The following LINGO2 variants were observed in gnomAD, a reference collection of about 807,000 sequenced individuals.
The protein encoded by LINGO2 is leucine-rich repeat and immunoglobulin-like domain-containing nogo receptor-interacting protein 2.
LINGO2 carries 14 observed loss-of-function variants against 30.6 expected under a neutral mutation model. The ratio of observed to expected loss-of-function variants is 0.46; its 90% CI spans 0.30 to 0.72. The LOEUF (loss-of-function observed/expected upper bound fraction) is 0.72. Ranked by LOEUF, LINGO2 falls within the 30% of genes least tolerant of loss-of-function variation. LINGO2 has a pLI of 0.07. For missense variants in LINGO2, 729 were observed against 751.7 expected, an observed-to-expected ratio of 0.97 and a Z score of 0.35; for synonymous variants, 317 against 288.5, an observed-to-expected ratio of 1.10 and a Z score of -1.00.
chr9:29,155,566 T>G, the LINGO2 span, among the ~76,000 whole-genome samples: 1 of 151,494 alleles, frequency 6.6e-6, no homozygotes, highest in East Asian at 1.9e-4. Flanking sequence ...CTTTTTTTTT[T>G]TTTTACAATA....
At chr9:28,349,238 T>A (rs1819741188) in intron 3 of LINGO2, among the ~76,000 whole-genome samples, 2 of 150,742 alleles carry the variant, frequency 1.3e-5, no homozygotes, top group South Asian at 4.2e-4. Flanking sequence ...GGCAAAGAAG[T>A]TGAAAACTTT....
the LINGO2 span, among the ~76,000 whole-genome samples, chr9:28,787,546 A>T: frequency 6.6e-6 from 1 of 152,162 alleles, no homozygotes; most frequent in Non-Finnish European, 1.5e-5. Context: ...TATGTCAAAA[A>T]ATCTAGAACA....
intron 1 of LINGO2, among the ~76,000 whole-genome samples, chr9:28,476,342 G>C (rs1312564802): frequency 6.6e-6 from 1 of 152,148 alleles, no homozygotes; most frequent in Admixed American, 6.5e-5. Flanking sequence ...GTGACACAAT[G>C]TCTGCTCACT....
the LINGO2 span, among the ~76,000 whole-genome samples, chr9:28,771,456 T>G: frequency 0.015 from 915 of 59,830 alleles, 4 homozygotes; most frequent in Admixed American, 0.019. Context: ...CTATTTGGTG[T>G]GTGTGTGTGT....
chr9:29,019,921 G>C, the LINGO2 span, among the ~76,000 whole-genome samples: 6,259 of 152,186 alleles, frequency 0.041, 197 homozygotes, highest in Admixed American at 0.082. Context: ...TCAGTGGGGA[G>C]ATTTTCAGTG....
At chr9:28,179,523 A>AT (rs924636022) in intron 4 of LINGO2, among the ~76,000 whole-genome samples, 2 of 77,768 alleles carry the variant, frequency 2.6e-5, no homozygotes, top group African/African-American at 9.9e-5. Context: ...TAGTTTATAT[A>AT]TATAAACTAT....
At chr9:28,513,069 C>T (rs184993740) in intron 1 of LINGO2, among the ~76,000 whole-genome samples, 1 of 148,668 alleles carries the variant, frequency 6.7e-6, no homozygotes, top group African/African-American at 2.5e-5. Flanking sequence ...AGTTGATGCT[C>T]AGTATTAACC....
At chr9:28,477,523 C>G (rs1405008167) in intron 1 of LINGO2, among the ~76,000 whole-genome samples, 1 of 152,134 alleles carries the variant, frequency 6.6e-6, no homozygotes, top group African/African-American at 2.4e-5. Context: ...CTTAAGTCTT[C>G]CCCCATTTTC....
At chr9:28,743,108 CT>C in the LINGO2 span, among the ~76,000 whole-genome samples, 3 of 152,074 alleles carry the variant, frequency 2.0e-5, no homozygotes, top group African/African-American at 7.2e-5. Flanking sequence ...GGCAAGTCTG[CT>C]AGCAATGGAT....
At chr9:29,031,208 G>A in the LINGO2 span, among the ~76,000 whole-genome samples, 1 of 151,956 alleles carries the variant, frequency 6.6e-6, no homozygotes, top group Non-Finnish European at 1.5e-5. Flanking sequence ...TTTCATGTTT[G>A]GTTCATATCA....
chr9:28,186,786 C>A (rs1819557094), intron 4 of LINGO2, among the ~76,000 whole-genome samples: 2 of 152,190 alleles, frequency 1.3e-5, no homozygotes, highest in Admixed American at 1.3e-4. Context: ...GCAGGCCTAG[C>A]ATATTTGACA....
At chr9:28,012,661 T>C (rs1264940898) in intron 4 of LINGO2, among the ~76,000 whole-genome samples, 2 of 152,086 alleles carry the variant, frequency 1.3e-5, no homozygotes, top group East Asian at 3.9e-4. Context: ...CAAGACACTT[T>C]ACTCCACAAG....
In LINGO2 at chr9:28,276,977, C is replaced by G. The variant is rs78165284; in HGVS notation, c.-87+18231G>C. On this transcript the variant is annotated intron_variant, in intron 4 of 5. Transcript: ENST00000379992. ...GGGGCAAATTCAAGCTGCTCATCCC[C>G]TCTAATGTTCAAGGCTTAGTTATTG... is the stretch of plus-strand genomic sequence containing the variant. 2.9e-3 allele frequency among the ~76,000 whole-genome samples: 440 copies of G among 152,260 alleles called. 3 individuals are homozygous for G. Among genetic ancestry groups the G allele is most frequent in the African/African-American group, 0.01 (427 of 41,550 alleles).
At chr9:28,253,797 T>C (rs1200642515) in intron 4 of LINGO2, among the ~76,000 whole-genome samples, 2 of 152,052 alleles carry the variant, frequency 1.3e-5, no homozygotes, top group African/African-American at 2.4e-5. Context: ...TCTAGCCTCA[T>C]AATGAGACAG....
At chr9:28,537,851 A>C (rs1262852942) in intron 1 of LINGO2, among the ~76,000 whole-genome samples, 3 of 151,328 alleles carry the variant, frequency 2.0e-5, no homozygotes, top group Non-Finnish European at 4.4e-5. Context: ...AAAAAGTGTC[A>C]GTATCAAAAG....
intron 1 of LINGO2, among the ~76,000 whole-genome samples, chr9:28,627,538 A>G (rs1826737134): frequency 6.6e-6 from 1 of 152,040 alleles, no homozygotes; most frequent in Admixed American, 6.6e-5. Flanking sequence ...CCAGACAGAA[A>G]GCCAAGATCA....
intron 4 of LINGO2, among the ~76,000 whole-genome samples, chr9:28,058,415 G>C (rs909914144): frequency 1.3e-5 from 2 of 152,094 alleles, no homozygotes; most frequent in African/African-American, 2.4e-5. Context: ...TTTTACACAA[G>C]AGAGTGAGTG....
At chr9:28,022,393 A>AT (rs1202942793) in intron 4 of LINGO2, among the ~76,000 whole-genome samples, 2 of 152,050 alleles carry the variant, frequency 1.3e-5, no homozygotes, top group Admixed American at 1.3e-4. Flanking sequence ...ATCCTTCCTT[A>AT]TTCCTTCTGT....
At chr9:28,144,640 T>C (rs971843311) in intron 4 of LINGO2, among the ~76,000 whole-genome samples, 2 of 152,176 alleles carry the variant, frequency 1.3e-5, no homozygotes, top group Non-Finnish European at 2.9e-5. Context: ...GAGTTGAAAG[T>C]CTACTATGTT....
Sources: allele counts gnomAD v4.1 joint callset (sites outside exome capture counted in the v4.1 genomes callset), GRCh38; gene constraint gnomAD v4.1.1; transcripts MANE v1.5; gene names NCBI Gene and HGNC (gene_info 2026-07-23, HGNC 2026-07-21).